The following CDYL2 variants were observed in gnomAD, a reference collection of about 807,000 sequenced individuals.
CDYL2 encodes chromodomain Y-like protein 2.
In CDYL2, 23 loss-of-function variants were observed where a neutral mutation model predicts 49.4. That is an observed-to-expected ratio of 0.47 (90% CI 0.34 to 0.66). CDYL2 has a LOEUF of 0.66. Among genes scored for constraint, CDYL2 ranks in the 30% least tolerant of loss-of-function variants. The pLI is 0.01. For missense variants in CDYL2, 678 were observed against 656.4 expected (o/e 1.03, Z -0.36); for synonymous variants, 360 against 268.8 (o/e 1.34, Z -3.32).
chr16:80,745,055 G>A (rs1905878322), intron 1 of CDYL2, among the ~76,000 whole-genome samples: 1 of 152,164 alleles, frequency 6.6e-6, no homozygotes, highest in African/African-American at 2.4e-5. Flanking sequence ...GGTGCTAGAG[G>A]CCCTCCATCG....
chr16:80,658,342 G>T (rs907441574), intron 2 of CDYL2, among the ~76,000 whole-genome samples: 4 of 152,044 alleles, frequency 2.6e-5, no homozygotes, highest in African/African-American at 9.7e-5. Context: ...AAACCTAATC[G>T]TCTTTCAAAG....
chr16:80,662,624 G>C (rs1391192380), intron 2 of CDYL2: 2 of 417,920 alleles, frequency 4.8e-6, no homozygotes, highest in Non-Finnish European at 9.5e-6. Context: ...GTCTGATTCA[G>C]AACTTCCTGC....
At chr16:80,613,668 C>T (rs114192516) in intron 4 of CDYL2, among the ~76,000 whole-genome samples, 2,183 of 152,276 alleles carry the variant, frequency 0.014, 48 homozygotes, top group African/African-American at 0.048. Context: ...TCAACAATGA[C>T]CTGTATTTCC....
chr16:80,730,804 G>A (rs113337688), intron 1 of CDYL2, among the ~76,000 whole-genome samples: 14 of 152,256 alleles, frequency 9.2e-5, no homozygotes, highest in African/African-American at 3.1e-4. Context: ...ATACACACAA[G>A]AACATGGATG....
intron 2 of CDYL2, among the ~76,000 whole-genome samples, chr16:80,671,497 T>G (rs1162499048): frequency 6.6e-6 from 1 of 152,192 alleles, no homozygotes; most frequent in Non-Finnish European, 1.5e-5. Context: ...CACCAGCCCC[T>G]GCCCCAAACG....
intron 1 of CDYL2, among the ~76,000 whole-genome samples, chr16:80,782,530 GAAAAAAAA>G (rs1188248662): frequency 2.8e-5 from 1 of 35,788 alleles, no homozygotes; most frequent in African/African-American, 9.2e-5. Flanking sequence ...GACATAAGGA[GAAAAAAAA>G]AAAAAAAAAA....
rs532139974 is a variant in CDYL2, at chr16:80,704,541, C to G, written c.25-19412G>C. Among the ~76,000 whole-genome samples the G allele has an allele frequency of 5.3e-5, 8 of 152,294 alleles. No homozygotes were observed. The East Asian group carries it at 1.4e-3, about 26-fold the overall frequency. Reference sequence around the variant, plus strand: ...CATTAATAGCAAACTGAGATAAGTGCTCTAGACAAAAGGAAAGACGTTCAC... The same window carrying G: ...CATTAATAGCAAACTGAGATAAGTGGTCTAGACAAAAGGAAAGACGTTCAC... On this transcript the variant is annotated intron_variant, in intron 1 of 6. Coordinates refer to ENST00000570137, the MANE Select transcript of CDYL2 (RefSeq NM_152342.4).
At chr16:80,694,798 G>A (rs1476539045) in intron 1 of CDYL2, among the ~76,000 whole-genome samples, 1 of 152,070 alleles carries the variant, frequency 6.6e-6, no homozygotes, top group African/African-American at 2.4e-5. Context: ...CCTAACTCTA[G>A]GGCTGGGACA....
intron 1 of CDYL2, among the ~76,000 whole-genome samples, chr16:80,749,834 C>T (rs966325287): frequency 2.5e-4 from 38 of 152,140 alleles, no homozygotes; most frequent in Non-Finnish European, 5.1e-4. Flanking sequence ...TTGGAACCAA[C>T]CCAAATGTCC....
chr16:80,741,148 C>CATATAT (rs373047238), intron 1 of CDYL2, among the ~76,000 whole-genome samples: 8 of 149,172 alleles, frequency 5.4e-5, no homozygotes, highest in African/African-American at 2.0e-4. Context: ...AGCCCAGAAA[C>CATATAT]ATATATATAC....
chr16:80,650,939 T>A lies in CDYL2; in HGVS notation c.617-17703A>T, dbSNP rs369888156. 1.6e-4 allele frequency among the ~76,000 whole-genome samples: 19 copies of A among 117,052 alleles called. No homozygotes were observed. The South Asian group carries it at 5.4e-3, about 33-fold the overall frequency. The allele number at this position is 117,052 out of a possible 152,430, so 76.8% of individuals were successfully genotyped here. A position where few individuals can be genotyped will look rare whatever the true frequency, so the allele number is the denominator to read the frequency against. On this transcript the variant is annotated intron_variant, in intron 2 of 6. Transcript: ENST00000570137. ...ACCAAAACAATTGAGCTCATAGAAATACAGAAGAGGACAGTTACCAGGGGC... is the reference window on the plus strand; with the variant it reads ...ACCAAAACAATTGAGCTCATAGAAAAACAGAAGAGGACAGTTACCAGGGGC...
At chr16:80,633,492 T>C (rs2142392884) in intron 2 of CDYL2, among the ~76,000 whole-genome samples, 1 of 152,292 alleles carries the variant, frequency 6.6e-6, no homozygotes, top group South Asian at 2.1e-4. Context: ...TCTTCTCCCA[T>C]ATATCAGCTT....
chr16:80,737,739 G>C (rs1033845400), intron 1 of CDYL2, among the ~76,000 whole-genome samples: 1 of 152,136 alleles, frequency 6.6e-6, no homozygotes, highest in East Asian at 1.9e-4. Context: ...GTAGGTCTGG[G>C]GTAAGGCTGA....
At chr16:80,681,368 A>C (rs1380088638) in intron 2 of CDYL2, among the ~76,000 whole-genome samples, 1 of 152,142 alleles carries the variant, frequency 6.6e-6, no homozygotes, top group Non-Finnish European at 1.5e-5. Context: ...AGAGGGTAGA[A>C]GGAGGACATT....
intron 1 of CDYL2, among the ~76,000 whole-genome samples, chr16:80,734,454 G>A (rs1309982300): frequency 6.6e-6 from 1 of 152,140 alleles, no homozygotes; most frequent in East Asian, 1.9e-4. Context: ...GAGGGTGATG[G>A]AAGATTTGGA....
At chr16:80,762,121 G>C (rs1274807942) in intron 1 of CDYL2, among the ~76,000 whole-genome samples, 2 of 152,094 alleles carry the variant, frequency 1.3e-5, no homozygotes, top group Non-Finnish European at 2.9e-5. Flanking sequence ...AGGAAGTCGA[G>C]GCTGCAGTGG....
intron 2 of CDYL2, among the ~76,000 whole-genome samples, chr16:80,674,194 G>C (rs560081665): frequency 6.6e-6 from 1 of 152,312 alleles, no homozygotes; most frequent in East Asian, 1.9e-4. Flanking sequence ...CTGGGTTCAC[G>C]AGTGGGCACT....
In CDYL2 at chr16:80,784,611, A is replaced by C. The variant is rs146959952; in HGVS notation, c.24+19539T>G. ...AAAAAAGATAGTGATGTTTAACCTG[A>C]AGGAAAAATGTCTGCATTTCTAGTA... On this transcript the variant is annotated intron_variant, in intron 1 of 6. Transcript: ENST00000570137. Among the ~76,000 whole-genome samples, 546 of 152,262 alleles carry C rather than the reference A, an allele frequency of 3.6e-3. 2 individuals are homozygous for C. The highest frequency in any genetic ancestry group is 0.012 in the African/African-American group (515 of 41,554).
chr16:80,712,218 TCCAAACC>T, intron 1 of CDYL2, among the ~76,000 whole-genome samples: 1 of 146,504 alleles, frequency 6.8e-6, no homozygotes, highest in Non-Finnish European at 1.5e-5. Flanking sequence ...TATATATATC[TCCAAACC>T]ACTGCTCACT....
Sources: allele counts gnomAD v4.1 joint callset (sites outside exome capture counted in the v4.1 genomes callset), GRCh38; gene constraint gnomAD v4.1.1; transcripts MANE v1.5; gene names NCBI Gene and HGNC (gene_info 2026-07-23, HGNC 2026-07-21).